The following TGFB3 variants were observed in gnomAD, a reference collection of about 807,000 sequenced individuals.
TGFB3 encodes the protein transforming growth factor beta 3.
Under a neutral mutation model 40.1 loss-of-function variants are expected in TGFB3, and 5 were observed. That is an observed-to-expected ratio of 0.12 (90% CI 0.07 to 0.26). TGFB3 has a LOEUF of 0.26. TGFB3 is among the 10% of genes least tolerant of loss of function. The pLI, the probability that TGFB3 is intolerant of heterozygous loss-of-function variation, is 1.00. For missense variants in TGFB3, 373 were observed against 530.1 expected, an observed-to-expected ratio of 0.70 and a Z score of 2.91; for synonymous variants, 184 against 205.6, an observed-to-expected ratio of 0.89 and a Z score of 0.90.
chr14:75,981,660 C>T lies in TGFB3; in HGVS notation c.-767G>A, dbSNP rs1191164888. The T allele has an allele frequency of 6.5e-6, 1 of 152,868 alleles. No individual in the cohort carries two copies. Among genetic ancestry groups the T allele is most frequent in the East Asian group, 1.9e-4 (1 of 5,198 alleles). The allele number at this position is 152,868 out of a possible 1,614,324, so 9.5% of individuals were successfully genotyped here. A position where few individuals can be genotyped will look rare whatever the true frequency, so the allele number is the denominator to read the frequency against. On this transcript the variant is annotated 5_prime_UTR_variant, in exon 1 of 7. Transcript: ENST00000238682. This position sits in a 1 kb window ranked among gnomAD's most constrained non-coding sequence, Gnocchi z 4.7. The stretch of plus-strand genomic sequence containing the variant: ...ATGCATTGGAAGGCAGGGAGGCAGG[C>T]CTCTGAGCGCAGCAGCCCCAATCAT...
chr14:75,959,077 G>T lies in TGFB3; in HGVS notation c.*110C>A. The T allele has an allele frequency of 7.1e-7, 1 of 1,405,996 alleles. No individual in the cohort carries two copies. Among genetic ancestry groups the T allele is most frequent in the Non-Finnish European group, 1.0e-6 (1 of 993,894 alleles). The allele number at this position is 1,405,996 out of a possible 1,614,324, so 87.1% of individuals were successfully genotyped here. On this transcript the variant is annotated 3_prime_UTR_variant, in exon 7 of 7. Transcript: ENST00000238682. ...CTCAGCCATTTGCCCGGAGCCGAAG[G>T]TTGTGGGCTCCAGGCCTCTCAGTGA...
chr14:75,977,886 G>A (rs3917160), intron 1 of TGFB3, among the ~76,000 whole-genome samples: 6,228 of 151,958 alleles, frequency 0.041, 171 homozygotes, highest in South Asian at 0.075. Flanking sequence ...AACTACATGC[G>A]TCCTGCACAC....
chr14:75,959,733 C>T lies in TGFB3; in HGVS notation c.1081-388G>A, dbSNP rs549949764. The stretch of plus-strand genomic sequence containing the variant: ...TTGCAGTAAGCAGAAATAGTGCCAC[C>T]GCACTCCAGCCTGAGCCACAGAGTG... On this transcript the variant is annotated intron_variant, in intron 6 of 6. Transcript: ENST00000238682. Among the ~76,000 whole-genome samples, 502 of 150,932 alleles carry T rather than the reference C, an allele frequency of 3.3e-3. 1 individual carries two copies. The highest frequency in any genetic ancestry group is 4.8e-3 in the Non-Finnish European group (327 of 67,746).
chr14:75,966,894 C>CT (rs745782119), intron 3 of TGFB3, among the ~76,000 whole-genome samples: 38 of 152,208 alleles, frequency 2.5e-4, no homozygotes, highest in Non-Finnish European at 4.3e-4. Flanking sequence ...TTGGGAAGCT[C>CT]TGTTGATCCT....
intron 1 of TGFB3, among the ~76,000 whole-genome samples, chr14:75,974,144 A>G (rs1034109116): frequency 1.3e-5 from 2 of 151,934 alleles, no homozygotes; most frequent in South Asian, 2.1e-4. Flanking sequence ...CATCTCAGAA[A>G]AAAAAGAAGG....
intron 5 of TGFB3, chr14:75,963,034 T>A: frequency 1.9e-6 from 1 of 538,244 alleles, no homozygotes; most frequent in East Asian, 3.4e-5. Context: ...GCCTCTCCAA[T>A]CCAAACTATT....
rs377415390 is a variant in TGFB3, at chr14:75,973,149, C to A, written c.353-1431G>T. ...CTTTCTGCACAAATGGTAACAATAG[C>A]CCGAAGTTGAAATTCAAGCTCATAG... On this transcript the variant is annotated intron_variant, in intron 1 of 6. Coordinates refer to ENST00000238682, the MANE Select transcript of TGFB3 (RefSeq NM_003239.5). 3.5e-4 allele frequency among the ~76,000 whole-genome samples: 54 copies of A among 152,298 alleles called. No individual in the cohort carries two copies. In the South Asian group the frequency reaches 0.011, roughly 32 times the overall value.
At chr14:75,961,525 A>G (rs2140236555) in intron 5 of TGFB3, among the ~76,000 whole-genome samples, 1 of 152,302 alleles carries the variant, frequency 6.6e-6, no homozygotes, top group East Asian at 1.9e-4. Flanking sequence ...GACTCAATCC[A>G]AAGGCCATTT....
intron 3 of TGFB3, among the ~76,000 whole-genome samples, chr14:75,968,120 G>A (rs1247620913): frequency 3.3e-5 from 5 of 152,242 alleles, no homozygotes; most frequent in Non-Finnish European, 5.9e-5. Context: ...CTGCGACCCA[G>A]AATGCAGCCT....
At chr14:75,967,532 G>T (rs1316975781) in intron 3 of TGFB3, among the ~76,000 whole-genome samples, 1 of 152,184 alleles carries the variant, frequency 6.6e-6, no homozygotes, top group Non-Finnish European at 1.5e-5. Flanking sequence ...GAGACCTGGA[G>T]TGAGTGAGTT....
Position 75,975,776 on chromosome 14 carries a change from A to G in TGFB3, c.353-4058T>C, listed in dbSNP as rs3917167. On this transcript the variant is annotated intron_variant, in intron 1 of 6. Transcript: ENST00000238682. ...AGGGATCTGGGAGATCATCTGGTGA[A>G]GATGGTTTCATCAACAAAATATGGC... Among the ~76,000 whole-genome samples, 66 of 152,318 alleles carry G rather than the reference A, an allele frequency of 4.3e-4. 1 individual carries two copies. The South Asian group carries it at 0.013, about 31-fold the overall frequency.
At chr14:75,976,611 C>A (rs1168082329) in intron 1 of TGFB3, among the ~76,000 whole-genome samples, 1 of 152,144 alleles carries the variant, frequency 6.6e-6, no homozygotes, top group Non-Finnish European at 1.5e-5. Context: ...TTCTGGGACA[C>A]GGGAAGAACT....
chr14:75,961,540 A>G (rs2035156522), intron 5 of TGFB3, among the ~76,000 whole-genome samples: 1 of 152,244 alleles, frequency 6.6e-6, no homozygotes, highest in Admixed American at 6.5e-5. Flanking sequence ...CCATTTAGCC[A>G]AATAAGGCAT....
chr14:75,959,907 T>C (rs1480432402), intron 6 of TGFB3, among the ~76,000 whole-genome samples: 1 of 139,116 alleles, frequency 7.2e-6, no homozygotes, highest in Non-Finnish European at 1.5e-5. Flanking sequence ...TGACAGTTAC[T>C]ACACTGATAA....
Position 75,971,073 on chromosome 14 carries a change from G to C in TGFB3, c.646+53C>G. 1 of 1,609,396 alleles carries C rather than the reference G, an allele frequency of 6.2e-7. No homozygotes were observed. Among genetic ancestry groups the C allele is most frequent in the Middle Eastern group, 1.7e-4 (1 of 6,052 alleles). On this transcript the variant is annotated intron_variant, in intron 3 of 6. Transcript: ENST00000238682. The surrounding 1 kb of genome is among the most constrained non-coding windows in gnomAD (Gnocchi z 4.5). ...GTCCTCTTCCCTCCATTTCATGGAG[G>C]ACTAAGGGACCTGAGGTTCATTCTG...
At chr14:75,974,268 G>A (rs977514052) in intron 1 of TGFB3, among the ~76,000 whole-genome samples, 1 of 152,104 alleles carries the variant, frequency 6.6e-6, no homozygotes, top group African/African-American at 2.4e-5. Flanking sequence ...CCTAGTGGCC[G>A]TCCTCTTTGG....
chr14:75,966,983 A>G (rs2035228694), intron 3 of TGFB3, among the ~76,000 whole-genome samples: 1 of 152,102 alleles, frequency 6.6e-6, no homozygotes, highest in Non-Finnish European at 1.5e-5. Flanking sequence ...CAGCCTCTCG[A>G]TGAGTTGATT....
chr14:75,968,233 T>C (rs1031863563), intron 3 of TGFB3, among the ~76,000 whole-genome samples: 1 of 152,200 alleles, frequency 6.6e-6, no homozygotes, highest in Non-Finnish European at 1.5e-5. Flanking sequence ...CTGCTCCAAT[T>C]TGGAGTCCTT....
In TGFB3 at chr14:75,978,945, G is replaced by A. The variant is rs1318944655; in HGVS notation, c.352+1597C>T. Among the ~76,000 whole-genome samples, 1 of 152,070 alleles carries A rather than the reference G, an allele frequency of 6.6e-6. No individual in the cohort carries two copies. The highest frequency in any genetic ancestry group is 1.5e-5 in the Non-Finnish European group (1 of 68,022). ...ACCTCTCCTGCCGGCCTCAGATTTC[G>A]ACCTTCCTCTGATGCTTGTGGTCAC... On this transcript the variant is annotated intron_variant, in intron 1 of 6. Transcript: ENST00000238682. The surrounding 1 kb of genome is among the most constrained non-coding windows in gnomAD (Gnocchi z 5.0).
Sources: gnomAD v4.1 joint callset for allele counts (sites outside exome capture counted in the v4.1 genomes callset) on GRCh38, gnomAD v4.1.1 for gene constraint, Gnocchi (gnomAD v3.1) non-coding constraint, MANE v1.5 for transcripts, NCBI Gene and HGNC (gene_info 2026-07-23, HGNC 2026-07-21) for gene names.